PCID2: variants seen among roughly 807,000 people sequenced by gnomAD.
PCID2 encodes PCI domain-containing protein 2.
A neutral mutation model predicts 61.3 loss-of-function variants in PCID2; 41 were observed. That is an observed-to-expected ratio of 0.67 (90% CI 0.52 to 0.87). The LOEUF (loss-of-function observed/expected upper bound fraction) is 0.87. Ranked by LOEUF, PCID2 falls within the 40% of genes least tolerant of loss-of-function variation. PCID2 has a pLI of 0.00. For missense variants in PCID2, 392 were observed against 493.4 expected (o/e 0.79, Z 1.95); for synonymous variants, 187 against 177.8 (o/e 1.05, Z -0.41).
rs556169801 is a variant in PCID2 at position 113,180,030 on chromosome 13, C to G, written c.873G>C (p.Leu291=). The change falls in exon 12 of 14, where the codon CTG becomes CTC. Residue 291 remains leucine (L), a synonymous_variant. Transcript: ENST00000337344. ...EVTRAVSEGN[L]LLLHEALAKH... The stretch of plus-strand genomic sequence containing the variant: ...TCGCCAGCGCCTCGTGCAGCAGCAG[C>G]AGGTTGCCCTCGCTGGTGAGGGGGG... 1 of 1,614,060 alleles carries G rather than the reference C, an allele frequency of 6.2e-7. No homozygotes were observed. Among genetic ancestry groups the G allele is most frequent in the Admixed American group, 1.7e-5 (1 of 60,026 alleles).
rs1369610117 is a variant in PCID2, at chr13:113,196,176, C to T, written c.308+5G>A. ...GCTAATTCAGCTGTTTCTGTTCACA[C>T]TTACCAGTTTTCTTCTTTGTGGGCC... On this transcript the variant is annotated splice_donor_5th_base_variant and intron_variant, in intron 5 of 13. Transcript: ENST00000337344. The T allele has an allele frequency of 3.1e-6, 5 of 1,604,988 alleles. No individual in the cohort carries two copies. The highest frequency in any genetic ancestry group is 4.3e-6 in the Non-Finnish European group (5 of 1,172,820).
At chr13:113,190,248 C>A (rs1314257554) in intron 7 of PCID2, among the ~76,000 whole-genome samples, 106 of 140,244 alleles carry the variant, frequency 7.6e-4, no homozygotes, top group African/African-American at 2.0e-3. Flanking sequence ...AAAAAAAAAA[C>A]CAACTATGCA....
At chr13:113,200,714 T>C in intron 1 of PCID2, 198 bp from the exon 2 acceptor site, 1 of 425,194 alleles carries the variant, frequency 2.4e-6, no homozygotes, top group Non-Finnish European at 4.2e-6. Context: ...TTTTTTTTTT[T>C]TTTGAGACGG....
At position 113,179,109 on chromosome 13, in the gene PCID2, G is replaced by A. The variant is rs759962989; in HGVS notation, c.987-20C>T. 1.1e-5 allele frequency: 17 copies of A among 1,608,518 alleles called. No individual in the cohort carries two copies. The highest frequency in any genetic ancestry group is 1.4e-5 in the Non-Finnish European group (17 of 1,177,432). On this transcript the variant is annotated intron_variant, in intron 12 of 13. Coordinates refer to ENST00000337344, the MANE Select transcript of PCID2 (RefSeq NM_001127202.4). The surrounding 1 kb of genome is among the most constrained non-coding windows in gnomAD (Gnocchi z 4.3). ...AAATACCTGGAAGAGGGGAGGAGAAGGGCACTGTGGTTACCGACAGGATGC... is the reference window on the plus strand; with the variant it reads ...AAATACCTGGAAGAGGGGAGGAGAAAGGCACTGTGGTTACCGACAGGATGC...
intron 8 of PCID2, 145 bp from the exon 9 acceptor site, chr13:113,184,632 G>C: frequency 1.6e-6 from 1 of 609,202 alleles, no homozygotes; most frequent in South Asian, 2.1e-5. Flanking sequence ...CCAAAACAGA[G>C]AGCAGCCAGC....
chr13:113,173,030 C>T (rs577818466), downstream of PCID2, among the ~76,000 whole-genome samples: 28 of 152,296 alleles, frequency 1.8e-4, no homozygotes, highest in South Asian at 5.2e-3. Context: ...TCTGCCAGCC[C>T]CTTCCATCTC....
the PCID2 span, chr13:113,171,888 A>G: frequency 1.2e-6 from 2 of 1,613,614 alleles, no homozygotes; most frequent in South Asian, 2.2e-5. This position sits in a 1 kb window ranked among gnomAD's most constrained non-coding sequence, Gnocchi z 5.1. Context: ...GAGTGCGGGC[A>G]GGTCCTGAAT....
chr13:113,190,228 A>AT (rs754968590), intron 7 of PCID2, among the ~76,000 whole-genome samples: 4,244 of 146,026 alleles, frequency 0.029, 91 homozygotes, highest in Middle Eastern at 0.094. Flanking sequence ...AACAGAAGAA[A>AT]TTAAAAAAAA....
chr13:113,190,231 A>T (rs2264972), intron 7 of PCID2, among the ~76,000 whole-genome samples: 96,330 of 139,006 alleles, frequency 0.69, 32,341 homozygotes, highest in Non-Finnish European at 0.75. Flanking sequence ...AGAAGAAATT[A>T]AAAAAAAAAA....
At chr13:113,169,803 C>T in the PCID2 span, among the ~76,000 whole-genome samples, 3 of 152,328 alleles carry the variant, frequency 2.0e-5, no homozygotes, top group East Asian at 3.9e-4. Flanking sequence ...GGTTCTTACC[C>T]GGCCATAATT....
chr13:113,171,903 C>T, the PCID2 span: 1 of 1,613,790 alleles, frequency 6.2e-7, no homozygotes, highest in African/African-American at 1.3e-5. This position sits in a 1 kb window ranked among gnomAD's most constrained non-coding sequence, Gnocchi z 5.1. Context: ...CTGAATGTGA[C>T]TGTCACCACC....
chr13:113,198,622 T>C (rs1424814738), intron 2 of PCID2, among the ~76,000 whole-genome samples: 1 of 152,206 alleles, frequency 6.6e-6, no homozygotes, highest in African/African-American at 2.4e-5. Context: ...TGAGAATCGC[T>C]TGAACATGGG....
chr13:113,186,177 G>A (rs1343311266), intron 7 of PCID2: 2 of 152,494 alleles, frequency 1.3e-5, no homozygotes, highest in African/African-American at 4.8e-5. Context: ...TCACCGAACA[G>A]GCAGGAAGCA....
rs927465068 is a variant in PCID2 at position 113,177,904 on chromosome 13, A to G, written c.*294T>C. On this transcript the variant is annotated 3_prime_UTR_variant, in exon 14 of 14. Transcript: ENST00000337344. ...CAGCCTTCAGGAACCACACTTAGGA[A>G]AAGTGAGCCGAGCAGCCTTCACGCA... is the stretch of plus-strand genomic sequence containing the variant. The G allele has an allele frequency of 8.6e-6, 2 of 233,318 alleles. No individual in the cohort carries two copies. The highest frequency in any genetic ancestry group is 5.1e-5 in the Admixed American group (1 of 19,796). The allele number at this position is 233,318 out of a possible 1,614,324, so 14.5% of individuals were successfully genotyped here. A position where few individuals can be genotyped will look rare whatever the true frequency, so the allele number is the denominator to read the frequency against.
At chr13:113,187,466 C>A (rs2038219909) in intron 7 of PCID2, 1 of 152,222 alleles carries the variant, frequency 6.6e-6, no homozygotes, top group Non-Finnish European at 1.5e-5. Flanking sequence ...AGTCTCCCTG[C>A]ATCCTCACTG....
chr13:113,185,960 A>G (rs2038072498), intron 7 of PCID2: 1 of 165,406 alleles, frequency 6.0e-6, no homozygotes, highest in Non-Finnish European at 1.3e-5. Context: ...CTGAGGCAGG[A>G]GAATCACTCA....
intron 7 of PCID2, 55 bp from the exon 8 acceptor site, chr13:113,185,615 A>G (rs536392152): frequency 8.6e-7 from 1 of 1,167,046 alleles, no homozygotes; most frequent in East Asian, 2.5e-5. Context: ...TTTATTTATA[A>G]ATCACAAAAT....
At position 113,200,305 on chromosome 13, in the gene PCID2, A is replaced by G. The variant is rs1364927417; in HGVS notation, c.126+122T>C. 4.6e-6 allele frequency: 3 copies of G among 655,430 alleles called. No homozygotes were observed. The African/African-American group carries it at 5.5e-5, about 12-fold the overall frequency. 40.6% of individuals were successfully genotyped at this position (655,430 alleles called of 1,614,324 possible). On this transcript the variant is annotated intron_variant, in intron 2 of 13. Coordinates refer to ENST00000337344, the MANE Select transcript of PCID2 (RefSeq NM_001127202.4). Reference sequence around the variant, plus strand: ...ATTACATAAATCATAAAGAAACTTTAAAATTTTCAAATAAGAGTGACAATA... The same window carrying G: ...ATTACATAAATCATAAAGAAACTTTGAAATTTTCAAATAAGAGTGACAATA...
chr13:113,199,472 G>A (rs1162379867), intron 2 of PCID2, among the ~76,000 whole-genome samples: 4 of 152,216 alleles, frequency 2.6e-5, no homozygotes, highest in African/African-American at 9.6e-5. Flanking sequence ...AGCCCATGCT[G>A]ATATGGTGAG....
Sources: gnomAD v4.1 joint callset for allele counts (sites outside exome capture counted in the v4.1 genomes callset) on GRCh38, gnomAD v4.1.1 for gene constraint, Gnocchi (gnomAD v3.1) non-coding constraint, MANE v1.5 for transcripts, NCBI Gene and HGNC (gene_info 2026-07-23, HGNC 2026-07-21) for gene names.